The following VDR variants were observed in gnomAD, a reference collection of about 807,000 sequenced individuals.
The protein encoded by VDR is vitamin D receptor, also known as vitamin D3 receptor.
In VDR, 19 loss-of-function variants were observed where a neutral mutation model predicts 39.7. That is an observed-to-expected ratio of 0.48 (90% CI 0.33 to 0.70). The LOEUF (loss-of-function observed/expected upper bound fraction) is 0.70, where lower values mean the gene tolerates loss of function less well. VDR is among the 30% of genes least tolerant of loss of function. The probability of loss-of-function intolerance (pLI) is 0.02; values close to 1 mark genes in which losing one functional copy is unlikely to be tolerated. For synonymous variants in VDR, 242 were observed against 215.8 expected (o/e 1.12, Z -1.07); for missense variants, 442 against 570.5 (o/e 0.77, Z 2.29).
chr12:47,879,271 C>A lies in VDR; in HGVS notation c.-2-156G>T, dbSNP rs376182253. 1.4e-3 allele frequency among the ~76,000 whole-genome samples: 218 copies of A among 151,942 alleles called. 5 individuals are homozygous for A. In the South Asian group the frequency reaches 0.044, roughly 31 times the overall value. ...GTGGGCATCTCCCCAGGGCCCAGGC[C>A]TGAGCACAGTGCCTTCGGAGCCCTC... On this transcript the variant is annotated intron_variant, in intron 2 of 9. Transcript: ENST00000549336.
At chr12:47,849,036 G>C (rs952968028) in intron 7 of VDR, among the ~76,000 whole-genome samples, 1 of 152,136 alleles carries the variant, frequency 6.6e-6, no homozygotes, top group African/African-American at 2.4e-5. Flanking sequence ...GTCAGGAATG[G>C]GCTTGTCTGA....
intron 4 of VDR, among the ~76,000 whole-genome samples, chr12:47,862,041 T>C (rs1945636925): frequency 6.6e-6 from 1 of 152,232 alleles, no homozygotes; most frequent in Non-Finnish European, 1.5e-5. Context: ...CACACATTTA[T>C]TGAGCACCTA....
rs527848038 is a variant in VDR at position 47,846,651 on chromosome 12, G to T, written c.907+6C>A. Reference sequence around the variant, plus strand: ...AGACTCCCCAGGAGGTGGAGTCTAGGCATACCTTTGGTCACGTCACTGACG... The same window carrying T: ...AGACTCCCCAGGAGGTGGAGTCTAGTCATACCTTTGGTCACGTCACTGACG... On this transcript the variant is annotated splice_donor_region_variant and intron_variant, in intron 8 of 9. Coordinates refer to ENST00000549336, the MANE Select transcript of VDR (RefSeq NM_000376.3). 2 of 1,613,372 alleles carry T rather than the reference G, an allele frequency of 1.2e-6. No individual in the cohort carries two copies. The highest frequency in any genetic ancestry group is 4.5e-5 in the East Asian group (2 of 44,882).
At chr12:47,869,126 CTCTCATTTT>C (rs1945796498) in intron 3 of VDR, among the ~76,000 whole-genome samples, 2 of 152,260 alleles carry the variant, frequency 1.3e-5, no homozygotes, top group South Asian at 4.1e-4. Context: ...CGCCATCTTT[CTCTCATTTT>C]TCTCATGTCA....
Position 47,843,156 on chromosome 12 carries a change from C to T in VDR, c.*1590G>A, listed in dbSNP as rs1467379344. ...TGCTATTCTGCAGTAAGGAACGTGGCTTTCAGATGTTTTTCCACCTGAAGA... is the reference window on the plus strand; with the variant it reads ...TGCTATTCTGCAGTAAGGAACGTGGTTTTCAGATGTTTTTCCACCTGAAGA... On this transcript the variant is annotated 3_prime_UTR_variant, in exon 10 of 10. Transcript: ENST00000549336. 1 of 152,248 alleles carries T rather than the reference C, an allele frequency of 6.6e-6. No homozygotes were observed. The highest frequency in any genetic ancestry group is 1.5e-5 in the Non-Finnish European group (1 of 68,022). The allele number at this position is 152,248 out of a possible 1,614,324, so 9.4% of individuals were successfully genotyped here.
chr12:47,852,203 C>T lies in VDR; in HGVS notation c.755+3427G>A, dbSNP rs984735871. Among the ~76,000 whole-genome samples, 7 of 152,214 alleles carry T rather than the reference C, an allele frequency of 4.6e-5. 1 individual carries two copies. Among genetic ancestry groups the T allele is most frequent in the African/African-American group, 1.7e-4 (7 of 41,456 alleles). On this transcript the variant is annotated intron_variant, in intron 7 of 9. Coordinates refer to ENST00000549336, the MANE Select transcript of VDR (RefSeq NM_000376.3). ...ATTGGAATCACTGAACCTGGAATCACTGTATCTGGAAAGGGCCGTGGGGGC... is the reference window on the plus strand; with the variant it reads ...ATTGGAATCACTGAACCTGGAATCATTGTATCTGGAAAGGGCCGTGGGGGC...
chr12:47,864,487 C>A (rs1393542208), intron 4 of VDR, among the ~76,000 whole-genome samples: 1 of 152,198 alleles, frequency 6.6e-6, no homozygotes, highest in Non-Finnish European at 1.5e-5. Flanking sequence ...CTCTCCCTGG[C>A]ACAAGCCCTC....
intron 4 of VDR, 88 bp from the exon 5 acceptor site, chr12:47,857,776 T>A (rs1028900059): frequency 6.9e-7 from 1 of 1,457,092 alleles, no homozygotes; most frequent in Admixed American, 1.8e-5. Flanking sequence ...AGGTCCAAGA[T>A]AGGAGGGGCT....
chr12:47,853,950 G>A (rs375849503), intron 7 of VDR, among the ~76,000 whole-genome samples: 8 of 152,162 alleles, frequency 5.3e-5, no homozygotes, highest in Admixed American at 2.0e-4. Flanking sequence ...AACACTGCAT[G>A]AGTATTTAAA....
At chr12:47,850,966 C>T (rs562680688) in intron 7 of VDR, among the ~76,000 whole-genome samples, 1 of 152,040 alleles carries the variant, frequency 6.6e-6, no homozygotes, top group Non-Finnish European at 1.5e-5. Context: ...TCATCAGACA[C>T]CAAATCCCTG....
At chr12:47,890,658 G>A (rs1007348031) in intron 1 of VDR, among the ~76,000 whole-genome samples, 5 of 152,116 alleles carry the variant, frequency 3.3e-5, no homozygotes, top group African/African-American at 9.6e-5. Context: ...CAAAACACTC[G>A]CAAAAACCCA....
intron 1 of VDR, among the ~76,000 whole-genome samples, chr12:47,891,879 G>C (rs1017781907): frequency 1.2e-3 from 178 of 152,246 alleles, no homozygotes; most frequent in African/African-American, 4.1e-3. Flanking sequence ...TCTGTTACCA[G>C]GGCAGCGGCA....
At position 47,846,450 on chromosome 12, in the gene VDR, G is replaced by T; in HGVS notation, c.909C>A (p.Ala303=). The change falls in exon 9 of 10, where the codon GCC becomes GCA. Residue 303 remains alanine (A), a splice_region_variant and synonymous_variant. Transcript: ENST00000549336. ...GCTCAATCAGCTCCAGGCTGTGTCC[G>T]GCTGTGAGAGACAATGGCCAGGTAC... is the stretch of plus-strand genomic sequence containing the variant. The part of the protein sequence containing the change: ...YKYRVSDVTK[A]GHSLELIEPL... The T allele has an allele frequency of 6.4e-7, 1 of 1,563,294 alleles. No individual in the cohort carries two copies. Among genetic ancestry groups the T allele is most frequent in the East Asian group, 2.4e-5 (1 of 41,992 alleles).
intron 1 of VDR, among the ~76,000 whole-genome samples, chr12:47,892,364 GGCA>G (rs2137236099): frequency 6.6e-6 from 1 of 152,280 alleles, no homozygotes; most frequent in African/African-American, 2.4e-5. Context: ...CACTTTCAAG[GGCA>G]GCAGCAGTCA....
intron 1 of VDR, among the ~76,000 whole-genome samples, chr12:47,889,266 A>G (rs11168284): frequency 0.4 from 60,351 of 151,788 alleles, 12,365 homozygotes; most frequent in Admixed American, 0.52. Flanking sequence ...AGTACCCCCA[A>G]TCGCCTGCCT....
intron 3 of VDR, among the ~76,000 whole-genome samples, chr12:47,866,345 T>C (rs1945735939): frequency 6.6e-6 from 1 of 152,186 alleles, no homozygotes; most frequent in Non-Finnish European, 1.5e-5. Flanking sequence ...TCCGCCTGCC[T>C]CGGCCTCCCA....
At chr12:47,895,735 T>C (rs1345026332) in intron 1 of VDR, among the ~76,000 whole-genome samples, 1 of 152,168 alleles carries the variant, frequency 6.6e-6, no homozygotes, top group Non-Finnish European at 1.5e-5. Context: ...AAATTGGCTG[T>C]CAATGTTTTA....
chr12:47,896,261 G>C (rs1276783680), intron 1 of VDR, among the ~76,000 whole-genome samples: 1 of 152,246 alleles, frequency 6.6e-6, no homozygotes, highest in Non-Finnish European at 1.5e-5. Flanking sequence ...AATGACTAAG[G>C]AGAATTCATC....
At chr12:47,898,440 C>A (rs574838263) in intron 1 of VDR, 1 of 152,342 alleles carries the variant, frequency 6.6e-6, no homozygotes, top group Admixed American at 6.5e-5. Flanking sequence ...CTTTGGAAAG[C>A]TGTTTGGCAC....
Sources: allele counts gnomAD v4.1 joint callset (sites outside exome capture counted in the v4.1 genomes callset), GRCh38; gene constraint gnomAD v4.1.1; transcripts MANE v1.5; gene names NCBI Gene and HGNC (gene_info 2026-07-23, HGNC 2026-07-21).